KCNQ5: variants seen among roughly 807,000 people sequenced by gnomAD.
KCNQ5 encodes the protein potassium voltage-gated channel subfamily Q member 5, also known as potassium voltage-gated channel subfamily KQT member 5.
In KCNQ5, 30 loss-of-function variants were observed where a neutral mutation model predicts 98.2. The ratio of observed to expected loss-of-function variants is 0.31; its 90% confidence interval spans 0.23 to 0.41. The LOEUF is 0.41. Ranked by LOEUF, KCNQ5 falls within the 10% of genes least tolerant of loss-of-function variation. The pLI, the probability that KCNQ5 is intolerant of heterozygous loss-of-function variation, is 1.00. For missense variants in KCNQ5, 835 were observed against 1,182.5 expected (o/e 0.71, Z 4.31); for synonymous variants, 458 against 449.4 (o/e 1.02, Z -0.24).
rs1379391266 is a variant in KCNQ5 at position 72,708,009 on chromosome 6, A to G, written c.398+85422A>G. 2.0e-4 allele frequency among the ~76,000 whole-genome samples: 30 copies of G among 152,188 alleles called. 1 individual carries two copies. The highest frequency in any genetic ancestry group is 2.0e-3 in the Admixed American group (30 of 15,274). On this transcript the variant is annotated intron_variant, in intron 1 of 13. Coordinates refer to ENST00000370398, the MANE Select transcript of KCNQ5 (RefSeq NM_019842.4). ...AGAATGTCTTGATGAAATCTGAATT[A>G]AAAAGATTTTGTTTCCACCAGCTAT...
chr6:72,953,772 T>C (rs1313694413), intron 1 of KCNQ5, among the ~76,000 whole-genome samples: 1 of 152,152 alleles, frequency 6.6e-6, no homozygotes, highest in Non-Finnish European at 1.5e-5. Context: ...AAGATATGTA[T>C]GTTACAGAAT....
At chr6:72,878,770 C>T (rs1461851142) in intron 1 of KCNQ5, among the ~76,000 whole-genome samples, 2 of 151,982 alleles carry the variant, frequency 1.3e-5, no homozygotes, top group Non-Finnish European at 2.9e-5. Context: ...CTTTTTTGTT[C>T]TAATATAAAA....
At chr6:72,896,802 A>G (rs1218536439) in intron 1 of KCNQ5, among the ~76,000 whole-genome samples, 1 of 152,138 alleles carries the variant, frequency 6.6e-6, no homozygotes. Flanking sequence ...AGTCACTGGT[A>G]CCTTTGCTGT....
chr6:73,127,486 A>G (rs558644160), intron 9 of KCNQ5, among the ~76,000 whole-genome samples: 1 of 152,304 alleles, frequency 6.6e-6, no homozygotes, highest in African/African-American at 2.4e-5. Flanking sequence ...CACAGCAGCC[A>G]ACATCCGCCT....
intron 1 of KCNQ5, among the ~76,000 whole-genome samples, chr6:72,815,053 T>C (rs918067027): frequency 1.3e-5 from 2 of 152,120 alleles, no homozygotes; most frequent in Non-Finnish European, 2.9e-5. Flanking sequence ...TCAGGAAATA[T>C]GGGATTCAGT....
intron 1 of KCNQ5, among the ~76,000 whole-genome samples, chr6:72,850,362 G>T (rs911388068): frequency 6.6e-6 from 1 of 152,306 alleles, no homozygotes; most frequent in East Asian, 1.9e-4. Context: ...GTTGCTCAAA[G>T]TCGGCTTTCT....
At chr6:72,768,851 A>G (rs7775459) in intron 1 of KCNQ5, among the ~76,000 whole-genome samples, 5,474 of 152,136 alleles carry the variant, frequency 0.036, 321 homozygotes, top group African/African-American at 0.12. Flanking sequence ...TTTCCCTTTC[A>G]TCGTGTCCCA....
At chr6:73,193,565 G>A (rs1413909627) in intron 13 of KCNQ5, among the ~76,000 whole-genome samples, 1 of 151,082 alleles carries the variant, frequency 6.6e-6, no homozygotes, top group Non-Finnish European at 1.5e-5. Context: ...TTGAATGTTT[G>A]TTAACCTCAA....
At chr6:73,062,513 C>A (rs4533951) in intron 3 of KCNQ5, among the ~76,000 whole-genome samples, 10 of 152,076 alleles carry the variant, frequency 6.6e-5, no homozygotes, top group East Asian at 1.9e-4. Flanking sequence ...GTCATCCCCC[C>A]GGCCCCCATC....
intron 1 of KCNQ5, among the ~76,000 whole-genome samples, chr6:72,768,975 A>G (rs1772717809): frequency 6.6e-6 from 1 of 152,090 alleles, no homozygotes; most frequent in Non-Finnish European, 1.5e-5. Flanking sequence ...AGAGGGAAGC[A>G]TTTCATCATA....
At chr6:72,899,688 G>T (rs1183126196) in intron 1 of KCNQ5, among the ~76,000 whole-genome samples, 1 of 151,958 alleles carries the variant, frequency 6.6e-6, no homozygotes, top group Non-Finnish European at 1.5e-5. Flanking sequence ...GGGTACAGGT[G>T]GTGTTTGATT....
At chr6:72,648,041 T>C (rs1218362155) in intron 1 of KCNQ5, among the ~76,000 whole-genome samples, 1 of 152,142 alleles carries the variant, frequency 6.6e-6, no homozygotes, top group East Asian at 1.9e-4. Context: ...TACAATCTTG[T>C]ATGAAAGTTG....
chr6:73,038,732 G>T (rs1160988143), intron 2 of KCNQ5, among the ~76,000 whole-genome samples: 1 of 151,864 alleles, frequency 6.6e-6, no homozygotes, highest in Non-Finnish European at 1.5e-5. Flanking sequence ...TTGACTGATT[G>T]ACTGTTTGCT....
At chr6:72,627,131 A>G (rs960141722) in intron 1 of KCNQ5, among the ~76,000 whole-genome samples, 3 of 152,226 alleles carry the variant, frequency 2.0e-5, no homozygotes, top group Non-Finnish European at 4.4e-5. Context: ...TGGCACATAG[A>G]TAACACTCAA....
chr6:73,142,231 C>T (rs1182752992), intron 10 of KCNQ5, among the ~76,000 whole-genome samples: 1 of 148,812 alleles, frequency 6.7e-6, no homozygotes, highest in Non-Finnish European at 1.5e-5. Context: ...CAACCCTGTA[C>T]AGTGTAGGCA....
chr6:72,843,981 G>A (rs968776715), intron 1 of KCNQ5, among the ~76,000 whole-genome samples: 3 of 152,102 alleles, frequency 2.0e-5, no homozygotes, highest in Non-Finnish European at 4.4e-5. Context: ...ACAGGGAGGG[G>A]AACATCACAC....
At chr6:72,766,983 G>A (rs1033262448) in intron 1 of KCNQ5, among the ~76,000 whole-genome samples, 2 of 151,932 alleles carry the variant, frequency 1.3e-5, no homozygotes, top group African/African-American at 2.4e-5. Flanking sequence ...GAGGAGATGA[G>A]GAGAATGAAT....
At chr6:72,821,274 A>C (rs1007948997) in intron 1 of KCNQ5, among the ~76,000 whole-genome samples, 1 of 152,186 alleles carries the variant, frequency 6.6e-6, no homozygotes, top group East Asian at 1.9e-4. Context: ...TGAAATTCCT[A>C]TTTCATACAC....
At chr6:73,171,235 C>T (rs1778005200) in intron 11 of KCNQ5, among the ~76,000 whole-genome samples, 1 of 152,174 alleles carries the variant, frequency 6.6e-6, no homozygotes, top group Non-Finnish European at 1.5e-5. Context: ...AGTTACTTCT[C>T]AATGGAACCC....
Sources: allele counts gnomAD v4.1 joint callset (sites outside exome capture counted in the v4.1 genomes callset), GRCh38; gene constraint gnomAD v4.1.1; transcripts MANE v1.5; gene names NCBI Gene and HGNC (gene_info 2026-07-23, HGNC 2026-07-21).